Variants in NAB2 observed in about 807,000 individuals in gnomAD.
NAB2 encodes NGFI-A-binding protein 2.
A neutral mutation model predicts 44.2 loss-of-function variants in NAB2; 9 were observed. The observed-to-expected ratio is 0.20, with a 90% CI of 0.12 to 0.36. The LOEUF is 0.36. NAB2 is among the 10% of genes least tolerant of loss of function. The pLI is 1.00. For missense variants in NAB2, 514 were observed against 709.0 expected, an observed-to-expected ratio of 0.73 and a Z score of 3.12; for synonymous variants, 342 against 291.0, an observed-to-expected ratio of 1.18 and a Z score of -1.78.
In NAB2 at chr12:57,092,519, C is replaced by G. The variant is rs929171859; in HGVS notation, c.1029C>G (p.Leu343=). The G allele has an allele frequency of 6.2e-7, 1 of 1,614,088 alleles. No individual in the cohort carries two copies. The highest frequency in any genetic ancestry group is 1.1e-5 in the South Asian group (1 of 91,090). Residue 343 remains leucine, a synonymous_variant, in exon 3 of 7, where the codon CTC becomes CTG. Transcript: ENST00000300131. ...DNTLLLRRVE[L]FSLSRQVARE... ...CGCTCTTATTACGGAGAGTGGAGCT[C>G]TTCTCTTTGTCCCGCCAAGTAGCCC...
rs758233022 is a variant in NAB2 at position 57,092,607 on chromosome 12, C to T, written c.1091+26C>T. The stretch of plus-strand genomic sequence containing the variant: ...GTGAGACCCCTTCCCCAGGTCCTTC[C>T]TGGACTGGAATCCTGCTATGGAGTT... On this transcript the variant is annotated intron_variant, in intron 3 of 6. Coordinates refer to ENST00000300131, the MANE Select transcript of NAB2 (RefSeq NM_005967.4). 5.0e-6 allele frequency: 8 copies of T among 1,612,794 alleles called. No homozygotes were observed. In the East Asian group the frequency reaches 1.8e-4, roughly 36 times the overall value.
chr12:57,094,382 A>G (rs896997648), intron 6 of NAB2, among the ~76,000 whole-genome samples: 7 of 151,680 alleles, frequency 4.6e-5, no homozygotes, highest in Admixed American at 6.6e-5. Flanking sequence ...GCGGGAGAGA[A>G]AGAGAGAGAG....
intron 5 of NAB2, 72 bp downstream of exon 5, chr12:57,093,267 G>T (rs1300476683): frequency 7.3e-6 from 11 of 1,504,842 alleles, no homozygotes; most frequent in Non-Finnish European, 9.7e-6. Context: ...GGGGAGGAGT[G>T]AGCCAGGAGG....
intron 1 of NAB2, among the ~76,000 whole-genome samples, 186 bp from the exon 2 acceptor site, chr12:57,090,939 T>C (rs1375396418): frequency 1.3e-5 from 2 of 152,194 alleles, no homozygotes; most frequent in Non-Finnish European, 2.9e-5. Context: ...CACTGGCTTG[T>C]CCATGCCTCT....
chr12:57,093,146 G>A lies in NAB2; in HGVS notation c.1227G>A (p.Glu409=), dbSNP rs201335767. The A allele has an allele frequency of 1.9e-6, 3 of 1,613,456 alleles. No homozygotes were observed. The highest frequency in any genetic ancestry group is 1.7e-6 in the Non-Finnish European group (2 of 1,179,826). Residue 409 remains glutamate, a synonymous_variant, in exon 5 of 7, where the codon GAG becomes GAA. Transcript: ENST00000300131. The part of the protein sequence containing the change: ...SYVPPYRPSL[E]EDSASLSGES... The stretch of plus-strand genomic sequence containing the variant: ...TACCCCCATACCGCCCCAGCCTGGA[G>A]GAGGACAGCGCCAGCCTGTCTGGGG...
chr12:57,090,162 A>C (rs2136541927), intron 1 of NAB2, among the ~76,000 whole-genome samples: 1 of 152,138 alleles, frequency 6.6e-6, no homozygotes, highest in South Asian at 2.1e-4. Flanking sequence ...AGAGGTTCTG[A>C]GGGGAGAGAG....
rs200481964 is a variant in NAB2 at position 57,093,203 on chromosome 12, T to C, written c.1276+8T>C. On this transcript the variant is annotated splice_region_variant and intron_variant, in intron 5 of 6. Coordinates refer to ENST00000300131, the MANE Select transcript of NAB2 (RefSeq NM_005967.4). ...TGGATGGACATTTGCAGGGTGAGTG[T>C]GCCTCAGAACACTTTTCTCTTCATT... 1 of 1,569,388 alleles carries C rather than the reference T, an allele frequency of 6.4e-7. No homozygotes were observed. Among genetic ancestry groups the C allele is most frequent in the East Asian group, 2.3e-5 (1 of 43,208 alleles).
rs768078043 is a variant in NAB2, at chr12:57,094,876, T to A, written c.*155T>A. ...CTCCATGGGCATAAGACTGTGGGGC[T>A]TCAAGCAATAACAAGCAGAGGCCTG... On this transcript the variant is annotated 3_prime_UTR_variant, in exon 7 of 7. Coordinates refer to ENST00000300131, the MANE Select transcript of NAB2 (RefSeq NM_005967.4). 1 of 636,574 alleles carries A rather than the reference T, an allele frequency of 1.6e-6. No individual in the cohort carries two copies. The highest frequency in any genetic ancestry group is 2.9e-5 in the Admixed American group (1 of 34,216). 39.4% of individuals were successfully genotyped at this position (636,574 alleles called of 1,614,324 possible). A position where few individuals can be genotyped will look rare whatever the true frequency, so the allele number is the denominator to read the frequency against.
intron 2 of NAB2, 46 bp from the exon 3 acceptor site, chr12:57,092,402 C>A: frequency 1.2e-6 from 2 of 1,604,254 alleles, no homozygotes; most frequent in Non-Finnish European, 1.7e-6. Context: ...GGTGAGGCAG[C>A]GGGGAAGTTC....
chr12:57,093,578 C>T lies in NAB2; in HGVS notation c.1448C>T (p.Pro483Leu). ...GTGGGCCGCCTCAGCCCCTGTGTGCCTGCGAAGCCACCTCTCGCAGGTGAG... is the reference window on the plus strand; with the variant it reads ...GTGGGCCGCCTCAGCCCCTGTGTGCTTGCGAAGCCACCTCTCGCAGGTGAG... ...DRVGRLSPCVPAKPPLAEFEE... is the reference protein window; with the variant it reads ...DRVGRLSPCVLAKPPLAEFEE... The change falls in exon 6 of 7, where the codon CCT becomes CTT. Residue 483 changes from proline (P) to leucine (L), a missense_variant. Pro to Leu is a moderately conservative substitution (Grantham distance 98). Transcript: ENST00000300131. 1 of 1,522,500 alleles carries T rather than the reference C, an allele frequency of 6.6e-7. No individual in the cohort carries two copies. The highest frequency in any genetic ancestry group is 8.8e-7 in the Non-Finnish European group (1 of 1,134,842). The allele number at this position is 1,522,500 out of a possible 1,614,324, so 94.3% of individuals were successfully genotyped here.
At position 57,091,164 on chromosome 12, in the gene NAB2, G is replaced by A; in HGVS notation, c.123G>A (p.Gly41=). 1 of 1,531,202 alleles carries A rather than the reference G, an allele frequency of 6.5e-7. No homozygotes were observed. The highest frequency in any genetic ancestry group is 8.8e-7 in the Non-Finnish European group (1 of 1,136,344). The allele number at this position is 1,531,202 out of a possible 1,614,324, so 94.9% of individuals were successfully genotyped here. The part of the protein sequence containing the change: ...ARAMALPRTL[G]ELQLYRVLQR... ...CCATGGCACTGCCTCGGACGCTGGG[G>A]GAGCTGCAGCTGTACCGGGTCCTGC... is the stretch of plus-strand genomic sequence containing the variant. The change falls in exon 2 of 7, where the codon GGG becomes GGA. Residue 41 remains glycine (G), a synonymous_variant. Coordinates refer to ENST00000300131, the MANE Select transcript of NAB2 (RefSeq NM_005967.4). The surrounding 1 kb of genome is among the most constrained non-coding windows in gnomAD (Gnocchi z 7.3).
chr12:57,091,601 G>A lies in NAB2; in HGVS notation c.560G>A (p.Gly187Asp). ...GCAGGGGACCCCCGGATCTGGCCAG[G>A]CCGGAGCACTCCAGAGTCGGACGTT... The part of the protein sequence containing the change: ...PGAGDPRIWP[G>D]RSTPESDVGA... The change falls in exon 2 of 7, where the codon GGC (glycine) becomes GAC (aspartate). Residue 187 changes from glycine to aspartate, a missense_variant. Coordinates refer to ENST00000300131, the MANE Select transcript of NAB2 (RefSeq NM_005967.4). The surrounding 1 kb of genome is among the most constrained non-coding windows in gnomAD (Gnocchi z 7.3). The A allele has an allele frequency of 6.2e-7, 1 of 1,605,248 alleles. No homozygotes were observed. The highest frequency in any genetic ancestry group is 8.5e-7 in the Non-Finnish European group (1 of 1,174,668).
rs1457243426 is a variant in NAB2 at position 57,094,873 on chromosome 12, G to C, written c.*152G>C. Reference sequence around the variant, plus strand: ...CTGCTCCATGGGCATAAGACTGTGGGGCTTCAAGCAATAACAAGCAGAGGC... The same window carrying C: ...CTGCTCCATGGGCATAAGACTGTGGCGCTTCAAGCAATAACAAGCAGAGGC... On this transcript the variant is annotated 3_prime_UTR_variant, in exon 7 of 7. Coordinates refer to ENST00000300131, the MANE Select transcript of NAB2 (RefSeq NM_005967.4). 2 of 641,298 alleles carry C rather than the reference G, an allele frequency of 3.1e-6. No individual in the cohort carries two copies. Among genetic ancestry groups the C allele is most frequent in the Non-Finnish European group, 5.4e-6 (2 of 373,252 alleles). The allele number at this position is 641,298 out of a possible 1,614,324, so 39.7% of individuals were successfully genotyped here. A position where few individuals can be genotyped will look rare whatever the true frequency, so the allele number is the denominator to read the frequency against.
chr12:57,093,675 C>A, intron 6 of NAB2, 77 bp downstream of exon 6: 2 of 1,371,116 alleles, frequency 1.5e-6, no homozygotes, highest in Non-Finnish European at 1.9e-6. Flanking sequence ...GTCCTGGGGC[C>A]AGGTGGGAGG....
intron 2 of NAB2, 148 bp downstream of exon 2, chr12:57,092,146 C>G (rs894425121): frequency 1.0e-5 from 14 of 1,344,686 alleles, no homozygotes; most frequent in Admixed American, 8.5e-5. Context: ...GGCCCCTACC[C>G]CAGCGGCCGC....
Position 57,091,990 on chromosome 12 carries a change from C to T in NAB2, c.949C>T (p.Leu317=). 5 of 1,605,782 alleles carry T rather than the reference C, an allele frequency of 3.1e-6. No homozygotes were observed. The highest frequency in any genetic ancestry group is 3.4e-6 in the Non-Finnish European group (4 of 1,174,624). ...SKRREGKQLS[L]HELTINEAAA... is the part of the protein sequence containing the mutation. The stretch of plus-strand genomic sequence containing the variant: ...GCGGCGGGAGGGCAAGCAGCTCAGC[C>T]TGCACGAGGTGAGAACCCCCAGGCC... Residue 317 remains leucine (L), a synonymous_variant, in exon 2 of 7, where the codon CTG becomes TTG. Transcript: ENST00000300131. This position sits in a 1 kb window ranked among gnomAD's most constrained non-coding sequence, Gnocchi z 7.3.
intron 2 of NAB2, 43 bp downstream of exon 2, chr12:57,092,041 G>T (rs569530123): frequency 6.4e-7 from 1 of 1,560,858 alleles, no homozygotes; most frequent in Non-Finnish European, 8.7e-7. Context: ...TGACTTCCAG[G>T]TCTCCAGCCG....
Position 57,095,011 on chromosome 12 carries a change from C to T in NAB2, c.*290C>T. On this transcript the variant is annotated 3_prime_UTR_variant, in exon 7 of 7. Transcript: ENST00000300131. ...GTTTTCCCCTCCCTCACACAACACA[C>T]TCCCATTCTCTTTAGGTTTGCACCA... 1 of 424,432 alleles carries T rather than the reference C, an allele frequency of 2.4e-6. No individual in the cohort carries two copies. 26.3% of individuals were successfully genotyped at this position (424,432 alleles called of 1,614,324 possible). A position where few individuals can be genotyped will look rare whatever the true frequency, so the allele number is the denominator to read the frequency against.
intron 1 of NAB2, among the ~76,000 whole-genome samples, chr12:57,089,669 C>T (rs1041668795): frequency 8.0e-5 from 12 of 150,092 alleles, no homozygotes; most frequent in Non-Finnish European, 1.6e-4. Flanking sequence ...GGAGCTCGAG[C>T]TGGCATCAGT....
Sources: gnomAD v4.1 joint callset for allele counts (sites outside exome capture counted in the v4.1 genomes callset) on GRCh38, gnomAD v4.1.1 for gene constraint, Gnocchi (gnomAD v3.1) non-coding constraint, MANE v1.5 for transcripts, NCBI Gene and HGNC (gene_info 2026-07-23, HGNC 2026-07-21) for gene names.